TMC6: variants seen among roughly 807,000 people sequenced by gnomAD.
TMC6 encodes the protein transmembrane channel like 6.
In TMC6, 71 loss-of-function variants were observed where a neutral mutation model predicts 95.4. The observed-to-expected ratio is 0.74, with a 90% CI of 0.61 to 0.91. TMC6 has a LOEUF of 0.91. Ranked by LOEUF, TMC6 falls within the 40% of genes least tolerant of loss-of-function variation. The probability of loss-of-function intolerance (pLI) is 0.00; values close to 1 mark genes in which losing one functional copy is unlikely to be tolerated. For missense variants in TMC6, 1,074 were observed against 1,079.1 expected (o/e 1.00, Z 0.07); for synonymous variants, 514 against 483.1 (o/e 1.06, Z -0.84).
intron 13 of TMC6, 175 bp downstream of exon 13, chr17:78,120,478 C>A (rs756733849): frequency 1.9e-6 from 2 of 1,030,914 alleles, no homozygotes; most frequent in African/African-American, 1.6e-5. Context: ...CACTTTGAAA[C>A]CTGTTTTCCT....
At chr17:78,113,488 A>G in intron 19 of TMC6, 60 bp downstream of exon 19, 6 of 1,584,918 alleles carry the variant, frequency 3.8e-6, no homozygotes, top group Non-Finnish European at 5.2e-6. Context: ...CCTACTGTCC[A>G]GCCCTGGCCC....
Position 78,121,429 on chromosome 17 carries a change from A to AGCGTACGTGGCACC in TMC6, c.1383+113_1383+126dup. 1 of 1,505,792 alleles carries AGCGTACGTGGCACC rather than the reference A, an allele frequency of 6.6e-7. No individual in the cohort carries two copies. The highest frequency in any genetic ancestry group is 1.9e-5 in the Admixed American group (1 of 51,974). 93.3% of individuals were successfully genotyped at this position (1,505,792 alleles called of 1,614,324 possible). A position where few individuals can be genotyped will look rare whatever the true frequency, so the allele number is the denominator to read the frequency against. On this transcript the variant is annotated intron_variant, in intron 11 of 19. Transcript: ENST00000590602. The surrounding 1 kb of genome is among the most constrained non-coding windows in gnomAD (Gnocchi z 5.6). ...CGGAGGGGGCCCCAGCACGGGGCAC[A>AGCGTACGTGGCACC]GCGTACGTGGCACCCTGGGCTGGCT...
Position 78,128,452 on chromosome 17 carries a change from G to C in TMC6, c.-75+160C>G, listed in dbSNP as rs530055172. Reference sequence around the variant, plus strand: ...GCCGCTCCCAGCTCTGTCCGAGCCGGAGGGTCAAGCCCTGGGAGCTCCAGG... The same window carrying C: ...GCCGCTCCCAGCTCTGTCCGAGCCGCAGGGTCAAGCCCTGGGAGCTCCAGG... On this transcript the variant is annotated intron_variant, in intron 1 of 19. Coordinates refer to ENST00000590602, the MANE Select transcript of TMC6 (RefSeq NM_001127198.5). The surrounding 1 kb of genome is among the most constrained non-coding windows in gnomAD (Gnocchi z 4.0). 6.6e-6 allele frequency among the ~76,000 whole-genome samples: 1 copy of C among 152,290 alleles called. No individual in the cohort carries two copies. Among genetic ancestry groups the C allele is most frequent in the South Asian group, 2.1e-4 (1 of 4,830 alleles).
rs1215254855 is a variant in TMC6 at position 78,109,550 on chromosome 17, G to C, written c.*3598C>G. 2.2e-6 allele frequency: 1 copy of C among 456,428 alleles called. No individual in the cohort carries two copies. The highest frequency in any genetic ancestry group is 4.4e-6 in the Non-Finnish European group (1 of 226,970). 28.3% of individuals were successfully genotyped at this position (456,428 alleles called of 1,614,324 possible). A position where few individuals can be genotyped will look rare whatever the true frequency, so the allele number is the denominator to read the frequency against. On this transcript the variant is annotated 3_prime_UTR_variant, in exon 20 of 20. Coordinates refer to ENST00000590602, the MANE Select transcript of TMC6 (RefSeq NM_001127198.5). ...GGAGGCTGAGGCGGGAGGATCACCT[G>C]AGCCCAGGAGGTCGAGGCTGCAGTG...
chr17:78,116,891 G>A (rs1354938928), intron 18 of TMC6, among the ~76,000 whole-genome samples: 1 of 152,054 alleles, frequency 6.6e-6, no homozygotes, highest in Non-Finnish European at 1.5e-5. Context: ...AAAAAAAAAA[G>A]TTTTAAGTCC....
In TMC6 at chr17:78,121,663, C is replaced by T. The variant is rs61744921; in HGVS notation, c.1276G>A (p.Gly426Arg). The T allele has an allele frequency of 8.0e-4, 1,285 of 1,602,770 alleles. 12 individuals carry two copies. In the African/African-American group the frequency reaches 0.014, roughly 17 times the overall value. The change falls in exon 11 of 20, where the codon GGG becomes AGG. Residue 426 changes from glycine (G) to arginine (R), a missense_variant. Transcript: ENST00000590602. This position sits in a 1 kb window ranked among gnomAD's most constrained non-coding sequence, Gnocchi z 5.6. ...QLRHSPRSVCGRLRQAAVLGL... is the reference protein window; with the variant it reads ...QLRHSPRSVCRRLRQAAVLGL... ...AGCACAGCCGCCTGCCGCAGCCTCC[C>T]GCACACGCTCCTGGGGCTGTGCCGC...
chr17:78,119,668 T>C (rs1372037174), intron 13 of TMC6: 2 of 493,810 alleles, frequency 4.1e-6, no homozygotes, highest in Admixed American at 6.3e-5. Context: ...AGGGTCTGGC[T>C]CTGTTGTCCG....
chr17:78,118,853 A>G, intron 15 of TMC6, 118 bp downstream of exon 15: 1 of 1,171,790 alleles, frequency 8.5e-7, no homozygotes, highest in Non-Finnish European at 1.2e-6. Context: ...CCGAGCCGCC[A>G]GCCCCACTCC....
chr17:78,130,048 A>G (rs951131118), upstream of TMC6, among the ~76,000 whole-genome samples: 1 of 152,150 alleles, frequency 6.6e-6, no homozygotes, highest in Non-Finnish European at 1.5e-5. Context: ...TGGGCCCTAT[A>G]GCAGGTAGAG....
Position 78,126,906 on chromosome 17 carries a change from T to A in TMC6, c.-74A>T. 3 of 1,550,778 alleles carry A rather than the reference T, an allele frequency of 1.9e-6. No individual in the cohort carries two copies. Among genetic ancestry groups the A allele is most frequent in the Non-Finnish European group, 2.6e-6 (3 of 1,137,850 alleles). The stretch of plus-strand genomic sequence containing the variant: ...CTGGGCGCCACCTCCGGAGCCCCCA[T>A]CTGATGAGACAGGGGCACAGAGCCA... On this transcript the variant is annotated splice_region_variant and 5_prime_UTR_variant, in exon 2 of 20. It removes an upstream start codon present in the reference 5' UTR. Transcript: ENST00000590602.
At chr17:78,127,197 G>A (rs2074762597) in intron 1 of TMC6, among the ~76,000 whole-genome samples, 1 of 152,204 alleles carries the variant, frequency 6.6e-6, no homozygotes. Context: ...ATGGGGAAGA[G>A]GTAGGGTGCC....
At chr17:78,126,245 GGGCC>G in intron 4 of TMC6, 28 bp downstream of exon 4, 1 of 1,542,684 alleles carries the variant, frequency 6.5e-7, no homozygotes, top group Non-Finnish European at 8.7e-7. Flanking sequence ...CTCGGGGCCG[GGGCC>G]GAGGCCGAGG....
At chr17:78,115,200 G>A (rs1007008237) in intron 18 of TMC6, among the ~76,000 whole-genome samples, 1 of 152,226 alleles carries the variant, frequency 6.6e-6, no homozygotes, top group African/African-American at 2.4e-5. Context: ...GGGACGAGCT[G>A]CCTGGAGCCC....
chr17:78,130,335 G>A (rs367553918), upstream of TMC6, among the ~76,000 whole-genome samples: 3 of 152,192 alleles, frequency 2.0e-5, no homozygotes, highest in South Asian at 2.1e-4. Flanking sequence ...GGGTGAGGCC[G>A]GCAGATAAAG....
In TMC6 at chr17:78,126,255, CGAGGCT is replaced by C. The variant is rs1319654608; in HGVS notation, c.271+16_271+21del. 12 of 1,546,022 alleles carry C rather than the reference CGAGGCT, an allele frequency of 7.8e-6. 1 individual carries two copies. In the South Asian group the frequency reaches 1.1e-4, roughly 14 times the overall value. ...GTCAACTCGGGGCCGGGGCCGAGGC[CGAGGCT>C]GAGGGTCCCACTCACCAATGGTGCG... On this transcript the variant is annotated intron_variant, in intron 4 of 19. Transcript: ENST00000590602.
chr17:78,122,936 T>G lies in TMC6; in HGVS notation c.1083-187A>C. On this transcript the variant is annotated intron_variant, in intron 9 of 19. Coordinates refer to ENST00000590602, the MANE Select transcript of TMC6 (RefSeq NM_001127198.5). This position sits in a 1 kb window ranked among gnomAD's most constrained non-coding sequence, Gnocchi z 4.9. ...CCCTCTACACCAGTCTCATCCAACA[T>G]AGCACCCACCAGCCACATCTGCCTA... The G allele has an allele frequency of 5.4e-6, 4 of 746,656 alleles. No individual in the cohort carries two copies. The highest frequency in any genetic ancestry group is 8.9e-6 in the Non-Finnish European group (4 of 447,956). The allele number at this position is 746,656 out of a possible 1,614,324, so 46.3% of individuals were successfully genotyped here. A position where few individuals can be genotyped will look rare whatever the true frequency, so the allele number is the denominator to read the frequency against.
Position 78,109,522 on chromosome 17 carries a change from T to G in TMC6, c.*3626A>C, listed in dbSNP as rs747004975. ...CATCATGAAAACCAGAAGCAGACACTCAGGAGGCTGAGGCGGGAGGATCAC... is the reference window on the plus strand; with the variant it reads ...CATCATGAAAACCAGAAGCAGACACGCAGGAGGCTGAGGCGGGAGGATCAC... On this transcript the variant is annotated 3_prime_UTR_variant, in exon 20 of 20. Coordinates refer to ENST00000590602, the MANE Select transcript of TMC6 (RefSeq NM_001127198.5). The G allele has an allele frequency of 2.2e-6, 1 of 456,276 alleles. No individual in the cohort carries two copies. The highest frequency in any genetic ancestry group is 2.0e-5 in the African/African-American group (1 of 49,940). The allele number at this position is 456,276 out of a possible 1,614,324, so 28.3% of individuals were successfully genotyped here.
In TMC6 at chr17:78,111,717, G is replaced by T; in HGVS notation, c.*1431C>A. 1 of 171,416 alleles carries T rather than the reference G, an allele frequency of 5.8e-6. No individual in the cohort carries two copies. The highest frequency in any genetic ancestry group is 1.3e-5 in the Non-Finnish European group (1 of 79,496). 10.6% of individuals were successfully genotyped at this position (171,416 alleles called of 1,614,324 possible). ...GGATTGGGTGGGCTAGACCCAGCGT[G>T]GGGGTCTGCTAGCAGCCAGTGGCAT... On this transcript the variant is annotated 3_prime_UTR_variant, in exon 20 of 20. Coordinates refer to ENST00000590602, the MANE Select transcript of TMC6 (RefSeq NM_001127198.5).
intron 19 of TMC6, 143 bp downstream of exon 19, chr17:78,113,405 G>A (rs553115230): frequency 4.5e-5 from 55 of 1,223,448 alleles, no homozygotes; most frequent in African/African-American, 2.6e-4. Context: ...GAAGGTGGGC[G>A]CCGGGGGGGA....
Sources: gnomAD v4.1 joint callset for allele counts (sites outside exome capture counted in the v4.1 genomes callset) on GRCh38, gnomAD v4.1.1 for gene constraint, Gnocchi (gnomAD v3.1) non-coding constraint, MANE v1.5 for transcripts, NCBI Gene and HGNC (gene_info 2026-07-23, HGNC 2026-07-21) for gene names.